Variants in C3 observed in about 807,000 individuals in gnomAD.
C3 encodes the protein complement C3, also known as C3 and PZP-like alpha-2-macroglobulin domain-containing protein 1.
A neutral mutation model predicts 207.9 loss-of-function variants in C3; 97 were observed. The observed-to-expected ratio is 0.47, with a 90% CI of 0.40 to 0.55. The LOEUF (loss-of-function observed/expected upper bound fraction) is 0.55. Among genes scored for constraint, C3 ranks in the 20% least tolerant of loss-of-function variants. C3 has a pLI of 0.00. For missense variants in C3, 1,684 were observed against 2,171.7 expected (o/e 0.78, Z 4.46); for synonymous variants, 848 against 857.6 (o/e 0.99, Z 0.20).
intron 7 of C3, chr19:6,713,750 CACTCCCAGCCCCCA>C (rs1967971258): frequency 2.9e-6 from 1 of 343,926 alleles, no homozygotes; most frequent in African/African-American, 4.3e-5. Flanking sequence ...CCACCTTCCC[CACTCCCAGCCCCCA>C]CCTGACTCCA....
intron 19 of C3, 108 bp downstream of exon 19, chr19:6,702,019 A>C (rs1967685189): frequency 1.3e-6 from 1 of 743,170 alleles, no homozygotes; most frequent in South Asian, 1.4e-5. Flanking sequence ...CAGGGCAGAG[A>C]ATAAAGTGCC....
chr19:6,707,415 G>T (rs1340408426), intron 16 of C3, 51 bp downstream of exon 16: 1 of 1,606,338 alleles, frequency 6.2e-7, no homozygotes, highest in African/African-American at 1.3e-5. Context: ...GCCGGGCTGG[G>T]GTCTCCTGGG....
chr19:6,684,701 C>G, intron 31 of C3, 51 bp from the exon 32 acceptor site: 3 of 1,600,500 alleles, frequency 1.9e-6, no homozygotes, highest in Non-Finnish European at 2.6e-6. Context: ...ACTAGGACTG[C>G]TGGGGACAAG....
rs746892541 is a variant in C3, at chr19:6,713,227, T to C, written c.965A>G (p.Lys322Arg). ...GACGGTGGCAGACACGTACAAAGAC[T>C]TCCCCACCAGGTCTTCTGCTCGGGG... ...QNPRAEDLVG[K>R]SLYVSATVIL... The change falls in exon 9 of 41, where the codon AAG (lysine) becomes AGG (arginine). Residue 322 changes from lysine (K) to arginine (R), a missense_variant. This residue lies in a region of C3 where 1,280 missense variants were observed against 1,739.1 expected (regional missense o/e 0.74). Transcript: ENST00000245907. 2.7e-5 allele frequency: 43 copies of C among 1,613,564 alleles called. No individual in the cohort carries two copies. The highest frequency in any genetic ancestry group is 3.6e-5 in the Non-Finnish European group (42 of 1,180,010).
chr19:6,691,055 CTTTT>C (rs112828808), intron 26 of C3, among the ~76,000 whole-genome samples: 1 of 131,762 alleles, frequency 7.6e-6, no homozygotes, highest in Non-Finnish European at 1.6e-5. Context: ...GAGATATACA[CTTTT>C]TTTTTTTTTT....
At position 6,712,298 on chromosome 19, in the gene C3, T is replaced by C. The variant is rs1967935765; in HGVS notation, c.1228A>G (p.Ser410Gly). 1.9e-6 allele frequency: 3 copies of C among 1,614,118 alleles called. No individual in the cohort carries two copies. The highest frequency in any genetic ancestry group is 2.5e-6 in the Non-Finnish European group (3 of 1,180,026). Residue 410 changes from serine to glycine, a missense_variant, in exon 11 of 41, where the codon AGC becomes GGC. Physicochemically the swap from Ser to Gly is moderately conservative, Grantham distance 56 (BLOSUM62 0). Around this residue, in one of 3 missense-constraint regions of C3, gnomAD observed 1,280 missense variants for 1,739.1 expected, o/e 0.74. Transcript: ENST00000245907. ...TTCTGGCTGGGGTGTGTGTTGATGC[T>C]GAGTTTGGCCACGCCATCTCCCTGG... is the stretch of plus-strand genomic sequence containing the variant. ...LTQGDGVAKLSINTHPSQKPL... is the reference protein window; with the variant it reads ...LTQGDGVAKLGINTHPSQKPL...
chr19:6,712,406 C>G lies in C3; in HGVS notation c.1120G>C (p.Val374Leu). The G allele has an allele frequency of 6.2e-7, 1 of 1,614,142 alleles. No homozygotes were observed. The highest frequency in any genetic ancestry group is 8.5e-7 in the Non-Finnish European group (1 of 1,179,996). ...GAGCCATCAGGGTTCGTCACGAACA[C>G]CTGTGATGTGGGGTGCAGGTGGGGG... The part of the protein sequence containing the change: ...FKPGMPFDLM[V>L]FVTNPDGSPA... The change falls in exon 11 of 41, where the codon GTG becomes CTG. Residue 374 changes from valine to leucine, a missense_variant and splice_region_variant. By Grantham distance (32) the Val-to-Leu change is conservative (BLOSUM62 1). Coordinates refer to ENST00000245907, the MANE Select transcript of C3 (RefSeq NM_000064.4).
chr19:6,718,009 G>A (rs1968078303), intron 4 of C3, 85 bp downstream of exon 4: 1 of 1,330,748 alleles, frequency 7.5e-7, no homozygotes, highest in African/African-American at 1.4e-5. Flanking sequence ...ACCCCTTCCG[G>A]TGTGTCTTTC....
rs1229067025 is a variant in C3 at position 6,709,702 on chromosome 19, GTTC to G, written c.1824_1826del (p.Lys608del). The stretch of plus-strand genomic sequence containing the variant: ...CCCTTACCTTACTCTGCGTCAGTTT[GTTC>G]TTCTTATTCAGCACGAACACGCCCT... On this transcript the variant is annotated inframe_deletion, in exon 14 of 41. Coordinates refer to ENST00000245907, the MANE Select transcript of C3 (RefSeq NM_000064.4). 1.9e-6 allele frequency: 3 copies of G among 1,577,212 alleles called. No individual in the cohort carries two copies. The highest frequency in any genetic ancestry group is 2.8e-5 in the African/African-American group (2 of 72,574).
At chr19:6,690,308 G>T (rs192756322) in intron 27 of C3, among the ~76,000 whole-genome samples, 8 of 152,324 alleles carry the variant, frequency 5.3e-5, no homozygotes. Flanking sequence ...TCTGAAAATT[G>T]TAAGGCAGAC....
intron 17 of C3, 92 bp from the exon 18 acceptor site, chr19:6,702,671 G>C: frequency 1.2e-6 from 1 of 868,716 alleles, no homozygotes; most frequent in Non-Finnish European, 2.0e-6. Context: ...GCCAAGGCAG[G>C]TGGATCACTT....
rs780877533 is a variant in C3, at chr19:6,709,811, C to T, written c.1718G>A (p.Arg573Gln). 2.3e-5 allele frequency: 37 copies of T among 1,613,782 alleles called. No homozygotes were observed. Among genetic ancestry groups the T allele is most frequent in the Non-Finnish European group, 2.9e-5 (34 of 1,180,028 alleles). ...CATCTGCTGCCCAGGTACAGGCTGCCGGTCTTCTGACTGGCCGCTTTTTAC... is the reference window on the plus strand; with the variant it reads ...CATCTGCTGCCCAGGTACAGGCTGCTGGTCTTCTGACTGGCCGCTTTTTAC... Reference protein sequence around the residue: ...LVVKSGQSEDRQPVPGQQMTL... With the variant: ...LVVKSGQSEDQQPVPGQQMTL... Residue 573 changes from arginine to glutamine, a missense_variant, in exon 14 of 41, where the codon CGG (arginine) becomes CAG (glutamine). Arg to Gln is a conservative substitution (Grantham distance 43). Transcript: ENST00000245907.
In C3 at chr19:6,697,806, G is replaced by A; in HGVS notation, c.2441-12C>T. ...TGCCACACAGATCCCTGCTCGGGCA[G>A]AGACAGAACACGGAGTGTCAAGGTC... On this transcript the variant is annotated splice_polypyrimidine_tract_variant and intron_variant, in intron 19 of 40. Coordinates refer to ENST00000245907, the MANE Select transcript of C3 (RefSeq NM_000064.4). 6.2e-7 allele frequency: 1 copy of A among 1,611,270 alleles called. No individual in the cohort carries two copies. Among genetic ancestry groups the A allele is most frequent in the Non-Finnish European group, 8.5e-7 (1 of 1,179,266 alleles).
intron 17 of C3, among the ~76,000 whole-genome samples, chr19:6,705,203 G>A (rs1057025307): frequency 1.3e-5 from 2 of 152,152 alleles, no homozygotes; most frequent in African/African-American, 2.4e-5. Flanking sequence ...CCATCCATGT[G>A]GATGTAAACC....
intron 26 of C3, among the ~76,000 whole-genome samples, 162 bp from the exon 27 acceptor site, chr19:6,690,889 A>G (rs1478991476): frequency 2.0e-5 from 3 of 152,176 alleles, no homozygotes; most frequent in Admixed American, 6.5e-5. Context: ...GTATTAATTC[A>G]TGCAACAATT....
At chr19:6,688,977 G>A (rs540874495) in intron 27 of C3, among the ~76,000 whole-genome samples, 52 of 152,268 alleles carry the variant, frequency 3.4e-4, no homozygotes, top group African/African-American at 1.3e-3. Flanking sequence ...CTCTAAGGAA[G>A]GCAGCCATAT....
At chr19:6,697,238 A>C in intron 21 of C3, 106 bp downstream of exon 21, 1 of 860,100 alleles carries the variant, frequency 1.2e-6, no homozygotes. Flanking sequence ...GCTGGACACT[A>C]TGATTCTTAG....
At chr19:6,699,091 C>G (rs976015095) in intron 19 of C3, among the ~76,000 whole-genome samples, 5 of 152,010 alleles carry the variant, frequency 3.3e-5, no homozygotes, top group Non-Finnish European at 7.4e-5. Flanking sequence ...CCACCGTGCC[C>G]GACCTGAGTT....
In C3 at chr19:6,714,047, C is replaced by T; in HGVS notation, c.718G>A (p.Glu240Lys). The change falls in exon 7 of 41, where the codon GAG (glutamate) becomes AAG (lysine). Residue 240 changes from glutamate to lysine, a missense_variant. This residue lies in a region of C3 where 1,280 missense variants were observed against 1,739.1 expected (regional missense o/e 0.74). Coordinates refer to ENST00000245907, the MANE Select transcript of C3 (RefSeq NM_000064.4). The part of the protein sequence containing the change: ...PSFEVIVEPT[E>K]KFYYIYNEKG... Reference sequence around the variant, plus strand: ...TCGTTATAGATGTAGTAGAATTTCTCTGTAGGCTCCACTATGACCTCGAAA... The same window carrying T: ...TCGTTATAGATGTAGTAGAATTTCTTTGTAGGCTCCACTATGACCTCGAAA... 3.7e-6 allele frequency: 6 copies of T among 1,612,300 alleles called. No individual in the cohort carries two copies. The highest frequency in any genetic ancestry group is 4.2e-6 in the Non-Finnish European group (5 of 1,179,610).
Sources: allele counts gnomAD v4.1 joint callset (sites outside exome capture counted in the v4.1 genomes callset), GRCh38; gene constraint gnomAD v4.1.1; regional missense constraint gnomAD v4.1.1; transcripts MANE v1.5; gene names NCBI Gene and HGNC (gene_info 2026-07-23, HGNC 2026-07-21).